The following ZNF385D variants were observed in gnomAD, a reference collection of about 807,000 sequenced individuals.
ZNF385D encodes zinc finger protein 385D.
Under a neutral mutation model 35.8 loss-of-function variants are expected in ZNF385D, and 15 were observed. That is an observed-to-expected ratio of 0.42 (90% confidence interval 0.28 to 0.64). ZNF385D has a LOEUF of 0.64. Among genes scored for constraint, ZNF385D ranks in the 30% least tolerant of loss-of-function variants. The pLI, the probability that ZNF385D is intolerant of heterozygous loss-of-function variation, is 0.23. For synonymous variants in ZNF385D, 212 were observed against 186.8 expected, an observed-to-expected ratio of 1.13 and a Z score of -1.10; for missense variants, 474 against 494.6, an observed-to-expected ratio of 0.96 and a Z score of 0.39.
chr3:21,787,080 A>C (rs944809609), intron 3 of ZNF385D, among the ~76,000 whole-genome samples: 2 of 152,232 alleles, frequency 1.3e-5, no homozygotes, highest in Admixed American at 1.3e-4. Context: ...AAACAATAAT[A>C]GATAAGTGAT....
chr3:21,571,117 G>C (rs1181685994), intron 2 of ZNF385D, among the ~76,000 whole-genome samples: 2 of 152,022 alleles, frequency 1.3e-5, no homozygotes, highest in Non-Finnish European at 2.9e-5. Context: ...TCCCAATAAA[G>C]AGATGGAACA....
intron 3 of ZNF385D, among the ~76,000 whole-genome samples, chr3:21,905,164 C>T (rs1156817880): frequency 8.2e-6 from 1 of 121,808 alleles, no homozygotes; most frequent in Non-Finnish European, 1.6e-5. Context: ...TCATCAGTAT[C>T]AGTTTCCCAG....
intron 1 of ZNF385D, among the ~76,000 whole-genome samples, chr3:21,734,142 T>A (rs116769412): frequency 0.024 from 3,727 of 152,310 alleles, 87 homozygotes; most frequent in Non-Finnish European, 0.033. Flanking sequence ...AATTGCATTA[T>A]GCTTATACAT....
chr3:22,019,512 C>T (rs1403501496), intron 3 of ZNF385D, among the ~76,000 whole-genome samples: 1 of 151,790 alleles, frequency 6.6e-6, no homozygotes, highest in Non-Finnish European at 1.5e-5. Flanking sequence ...TTAATCATAA[C>T]CTCTATATGC....
chr3:21,856,188 T>C (rs187415040), intron 3 of ZNF385D, among the ~76,000 whole-genome samples: 15 of 152,208 alleles, frequency 9.9e-5, no homozygotes, highest in Admixed American at 3.9e-4. Context: ...TTGGTTGATA[T>C]TGATCTCTCC....
At chr3:22,366,186 T>C (rs1696648528) in intron 2 of ZNF385D, among the ~76,000 whole-genome samples, 1 of 152,108 alleles carries the variant, frequency 6.6e-6, no homozygotes, top group African/African-American at 2.4e-5. Context: ...CTAAAAGCAG[T>C]TTAATCATAC....
chr3:22,336,946 G>A (rs979576489), intron 2 of ZNF385D, among the ~76,000 whole-genome samples: 2 of 29,488 alleles, frequency 6.8e-5, no homozygotes, highest in African/African-American at 1.8e-4. Context: ...AACCCTTACT[G>A]TTAGTGAGGA....
intron 2 of ZNF385D, among the ~76,000 whole-genome samples, chr3:22,324,418 C>G (rs1270548808): frequency 6.6e-6 from 1 of 152,100 alleles, no homozygotes; most frequent in South Asian, 2.1e-4. Context: ...AACTCAATCA[C>G]TCTTCTATAT....
At chr3:21,823,872 T>G (rs1471869936) in intron 3 of ZNF385D, among the ~76,000 whole-genome samples, 1 of 152,204 alleles carries the variant, frequency 6.6e-6, no homozygotes, top group Non-Finnish European at 1.5e-5. Context: ...TTGCTTAGGT[T>G]TATTGAACGT....
intron 2 of ZNF385D, among the ~76,000 whole-genome samples, chr3:21,636,072 C>A (rs1169196842): frequency 6.6e-6 from 1 of 151,810 alleles, no homozygotes; most frequent in Admixed American, 6.6e-5. Flanking sequence ...TGGGTAGATA[C>A]CCAGTCATGG....
intron 1 of ZNF385D, among the ~76,000 whole-genome samples, chr3:21,726,524 T>C (rs1038971874): frequency 6.6e-6 from 1 of 152,134 alleles, no homozygotes; most frequent in African/African-American, 2.4e-5. Context: ...AGCGTTCCTG[T>C]ACACCAATAA....
intron 2 of ZNF385D, among the ~76,000 whole-genome samples, chr3:22,204,986 A>G (rs889711709): frequency 2.0e-5 from 3 of 151,512 alleles, no homozygotes; most frequent in Non-Finnish European, 3.0e-5. Context: ...ATCCAAAAAA[A>G]AAAAAAAAAA....
intron 2 of ZNF385D, among the ~76,000 whole-genome samples, chr3:21,608,169 T>G (rs939260320): frequency 2.0e-5 from 3 of 151,740 alleles, no homozygotes; most frequent in Non-Finnish European, 4.4e-5. Context: ...GCCACCACAC[T>G]TGGCTAATTT....
At chr3:22,340,651 T>C (rs1310692488) in intron 2 of ZNF385D, among the ~76,000 whole-genome samples, 1 of 151,914 alleles carries the variant, frequency 6.6e-6, no homozygotes, top group Non-Finnish European at 1.5e-5. Context: ...GTCTCCAAAA[T>C]AATAATAATA....
intron 1 of ZNF385D, among the ~76,000 whole-genome samples, chr3:21,713,480 C>G (rs1194090535): frequency 6.6e-6 from 1 of 152,106 alleles, no homozygotes. Context: ...CTCTTCATCA[C>G]CATCTCCAGG....
chr3:22,270,509 T>C (rs76726169), intron 2 of ZNF385D, among the ~76,000 whole-genome samples: 4,059 of 152,182 alleles, frequency 0.027, 75 homozygotes, highest in Non-Finnish European at 0.038. Flanking sequence ...AAACTTATAA[T>C]TAAATTAATA....
intron 4 of ZNF385D, among the ~76,000 whole-genome samples, chr3:21,437,721 C>CAAAAAAAAAAAAAAAAAA (rs1701642298): frequency 9.1e-5 from 1 of 10,940 alleles, no homozygotes; most frequent in South Asian, 2.6e-3. Context: ...AAAAAAAAAC[C>CAAAAAAAAAAAAAAAAAA]GGAACCCTGA....
intron 2 of ZNF385D, among the ~76,000 whole-genome samples, chr3:22,274,799 T>TAAAAAA (rs1389200250): frequency 2.1e-4 from 30 of 142,692 alleles, no homozygotes; most frequent in African/African-American, 8.1e-4. Context: ...TTTTTTTTTT[T>TAAAAAA]AAAAGTCTTC....
intron 3 of ZNF385D, among the ~76,000 whole-genome samples, chr3:22,132,182 C>T (rs763288738): frequency 2.0e-5 from 3 of 152,016 alleles, no homozygotes; most frequent in Non-Finnish European, 2.9e-5. Flanking sequence ...TATTTGGAGG[C>T]AGGATCTTGG....
Sources: gnomAD v4.1 joint callset for allele counts (sites outside exome capture counted in the v4.1 genomes callset) on GRCh38, gnomAD v4.1.1 for gene constraint, MANE v1.5 for transcripts, NCBI Gene and HGNC (gene_info 2026-07-23, HGNC 2026-07-21) for gene names.